KATNAL2: variants seen among roughly 807,000 people sequenced by gnomAD.
The protein encoded by KATNAL2 is katanin catalytic subunit A1 like 2.
KATNAL2 carries 52 observed loss-of-function variants against 76.3 expected under a neutral mutation model. That is an observed-to-expected ratio of 0.68 (90% CI 0.55 to 0.86). The LOEUF is 0.86. Among genes scored for constraint, KATNAL2 ranks in the 40% least tolerant of loss-of-function variants. The probability of loss-of-function intolerance (pLI) is 0.00; values close to 1 mark genes in which losing one functional copy is unlikely to be tolerated. For synonymous variants in KATNAL2, 243 were observed against 244.2 expected (o/e 1.00, Z 0.05); for missense variants, 660 against 668.9 (o/e 0.99, Z 0.15).
At chr18:47,091,232 A>G (rs1555643436) in intron 15 of KATNAL2, 1 of 152,266 alleles carries the variant, frequency 6.6e-6, no homozygotes, top group Non-Finnish European at 1.5e-5. Context: ...CAAGATGTAA[A>G]CCGTGGAAGT....
intron 3 of KATNAL2, among the ~76,000 whole-genome samples, chr18:46,965,488 G>A (rs1323846815): frequency 1.7e-5 from 2 of 120,078 alleles, no homozygotes; most frequent in Admixed American, 7.8e-5. Flanking sequence ...CTCCAGCTTT[G>A]GCTAACTTTC....
intron 15 of KATNAL2, among the ~76,000 whole-genome samples, chr18:47,092,758 C>T (rs2147375884): frequency 6.6e-6 from 1 of 152,290 alleles, no homozygotes; most frequent in East Asian, 1.9e-4. Flanking sequence ...CCTGGAGGGT[C>T]CTTCACTCTA....
intron 15 of KATNAL2, among the ~76,000 whole-genome samples, chr18:47,082,403 C>G (rs2062570030): frequency 6.6e-6 from 1 of 152,092 alleles, no homozygotes; most frequent in Non-Finnish European, 1.5e-5. Flanking sequence ...AGTTGAGGAC[C>G]ACTGGACTAA....
In KATNAL2 at chr18:47,038,325, C is replaced by T. The variant is rs2060850437; in HGVS notation, c.52-8132C>T. Among the ~76,000 whole-genome samples, 5 of 152,280 alleles carry T rather than the reference C, an allele frequency of 3.3e-5. No individual in the cohort carries two copies. In the South Asian group the frequency reaches 8.3e-4, roughly 25 times the overall value. On this transcript the variant is annotated intron_variant, in intron 3 of 17. Transcript: ENST00000683218. Reference sequence around the variant, plus strand: ...GGTCAGTGGTTCACTGTTTAAATGACTCTCCAGGGATTCTAAAAAGGAGTT... The same window carrying T: ...GGTCAGTGGTTCACTGTTTAAATGATTCTCCAGGGATTCTAAAAAGGAGTT...
At chr18:46,938,562 G>A (rs1039040846) in intron 1 of KATNAL2, among the ~76,000 whole-genome samples, 11 of 152,200 alleles carry the variant, frequency 7.2e-5, no homozygotes, top group Non-Finnish European at 1.3e-4. Context: ...AACTCTGATC[G>A]TTCTTCAATA....
chr18:46,950,258 T>C (rs1217706455), intron 3 of KATNAL2, among the ~76,000 whole-genome samples: 1 of 152,220 alleles, frequency 6.6e-6, no homozygotes, highest in Non-Finnish European at 1.5e-5. Flanking sequence ...TAGATGGCGC[T>C]AAGAGCAATA....
intron 3 of KATNAL2, chr18:47,034,722 G>C (rs562767731): frequency 8.7e-6 from 14 of 1,612,998 alleles, no homozygotes; most frequent in Admixed American, 6.7e-5. Flanking sequence ...CAGGGCCCTC[G>C]GGCATCCGGA....
chr18:47,084,977 C>G (rs562907090), intron 15 of KATNAL2, among the ~76,000 whole-genome samples: 2 of 151,062 alleles, frequency 1.3e-5, no homozygotes, highest in East Asian at 3.9e-4. Flanking sequence ...ATCTGCAGGG[C>G]TCTGTAGGTC....
intron 3 of KATNAL2, among the ~76,000 whole-genome samples, chr18:46,959,347 A>G (rs2059862831): frequency 6.6e-6 from 1 of 152,148 alleles, no homozygotes; most frequent in Admixed American, 6.5e-5. Context: ...GCATCTCTTA[A>G]AATGCTGTGG....
intron 4 of KATNAL2, among the ~76,000 whole-genome samples, chr18:47,051,034 C>T (rs1340820547): frequency 6.6e-6 from 1 of 152,182 alleles, no homozygotes; most frequent in South Asian, 2.1e-4. Flanking sequence ...TATCCATCTT[C>T]TCGGGCTTGG....
At chr18:47,072,150 G>T (rs1010914374) in intron 13 of KATNAL2, among the ~76,000 whole-genome samples, 1 of 151,410 alleles carries the variant, frequency 6.6e-6, no homozygotes. Flanking sequence ...TAGAGACAGG[G>T]TTTCACCATA....
At chr18:47,035,336 T>A (rs1200333365) in intron 3 of KATNAL2, 7 of 1,605,284 alleles carry the variant, frequency 4.4e-6, no homozygotes, top group Non-Finnish European at 5.1e-6. Flanking sequence ...GGACAGGAAG[T>A]CTGGGGTGGC....
At chr18:46,956,285 T>G (rs2059744867) in intron 3 of KATNAL2, among the ~76,000 whole-genome samples, 1 of 152,234 alleles carries the variant, frequency 6.6e-6, no homozygotes, top group African/African-American at 2.4e-5. Flanking sequence ...GTGCCTGCTT[T>G]CTGTACAACA....
chr18:47,067,179 T>G, intron 11 of KATNAL2, 60 bp downstream of exon 11: 1 of 786,294 alleles, frequency 1.3e-6, no homozygotes, highest in Non-Finnish European at 2.1e-6. Context: ...ACAAGCTGTA[T>G]GTCACACAAC....
At chr18:47,034,889 G>A in intron 3 of KATNAL2, 1 of 1,612,112 alleles carries the variant, frequency 6.2e-7, no homozygotes, top group Non-Finnish European at 8.5e-7. Context: ...CTGTGCTCAG[G>A]GCTGTGAGAT....
chr18:47,076,133 T>A (rs1348129507), intron 14 of KATNAL2: 1 of 152,198 alleles, frequency 6.6e-6, no homozygotes, highest in Non-Finnish European at 1.5e-5. Flanking sequence ...TTAATGACCT[T>A]TAATGGACTA....
chr18:47,052,741 A>G (rs983378339), intron 4 of KATNAL2, 139 bp from the exon 5 acceptor site: 4 of 568,508 alleles, frequency 7.0e-6, no homozygotes, highest in Non-Finnish European at 8.8e-6. Context: ...CAAACCTCCT[A>G]TGCACATACT....
At chr18:47,092,407 G>C (rs1279373907) in intron 15 of KATNAL2, among the ~76,000 whole-genome samples, 1 of 152,118 alleles carries the variant, frequency 6.6e-6, no homozygotes, top group African/African-American at 2.4e-5. Context: ...GCCAAGGTGG[G>C]AGAATTGCTT....
rs780741787 is a variant in KATNAL2 at position 47,058,393 on chromosome 18, G to T, written c.450+41G>T. On this transcript the variant is annotated intron_variant, in intron 7 of 17. Coordinates refer to ENST00000683218, the MANE Select transcript of KATNAL2 (RefSeq NM_001387690.1). ...CTTGACTTTGTGAACAGCACACTTG[G>T]CTGAAAAATAGCCCTATGAAAAAGG... 7.9e-6 allele frequency: 9 copies of T among 1,135,694 alleles called. No individual in the cohort carries two copies. The African/African-American group carries it at 1.1e-4, about 14-fold the overall frequency. 70.4% of individuals were successfully genotyped at this position (1,135,694 alleles called of 1,614,324 possible).
Sources: gnomAD v4.1 joint callset for allele counts (sites outside exome capture counted in the v4.1 genomes callset) on GRCh38, gnomAD v4.1.1 for gene constraint, MANE v1.5 for transcripts, NCBI Gene and HGNC (gene_info 2026-07-23, HGNC 2026-07-21) for gene names.